Variants in ULK4 observed in about 807,000 individuals in gnomAD.
The protein encoded by ULK4 is inactive serine/threonine-protein kinase ULK4.
A neutral mutation model predicts 160.6 loss-of-function variants in ULK4; 133 were observed. That is an observed-to-expected ratio of 0.83 (90% CI 0.72 to 0.96). ULK4 has a LOEUF of 0.96. ULK4 is among the 40% of genes least tolerant of loss of function. The pLI is 0.00. For missense variants in ULK4, 1,580 were observed against 1,499.5 expected (o/e 1.05, Z -0.89); for synonymous variants, 534 against 539.8 (o/e 0.99, Z 0.15).
intron 2 of ULK4, among the ~76,000 whole-genome samples, chr3:41,940,281 C>A (rs1463963236): frequency 2.0e-5 from 3 of 152,054 alleles, no homozygotes; most frequent in African/African-American, 4.8e-5. Flanking sequence ...TTATATGAAC[C>A]CCTAATTTTA....
rs561495326 is a variant in ULK4 at position 41,743,513 on chromosome 3, AAAG to A, written c.2321+10845_2321+10847del. ...ATAATAGAAGGTTAAGAATATAAAAAAAGAAGAACATCAGAATGAGTAAGTTAG... is the reference window on the plus strand; with the variant it reads ...ATAATAGAAGGTTAAGAATATAAAAAAAGAACATCAGAATGAGTAAGTTAG... On this transcript the variant is annotated intron_variant, in intron 22 of 36. Transcript: ENST00000301831. Among the ~76,000 whole-genome samples, 340 of 151,964 alleles carry A rather than the reference AAAG, an allele frequency of 2.2e-3. 13 individuals are homozygous for A. Among genetic ancestry groups the A allele is most frequent in the African/African-American group, 7.9e-3 (324 of 41,212 alleles).
intron 32 of ULK4, among the ~76,000 whole-genome samples, chr3:41,528,484 A>G (rs2086193267): frequency 1.3e-5 from 2 of 152,186 alleles, no homozygotes; most frequent in Admixed American, 1.3e-4. Context: ...CAAAAGCCTC[A>G]AAAAATTTAT....
chr3:41,953,147 T>A (rs1233256429), intron 2 of ULK4, among the ~76,000 whole-genome samples: 1 of 151,890 alleles, frequency 6.6e-6, no homozygotes, highest in Non-Finnish European at 1.5e-5. Context: ...AATATGAATG[T>A]ACTTATTATC....
intron 19 of ULK4, among the ~76,000 whole-genome samples, chr3:41,813,174 T>C (rs1190300226): frequency 1.3e-5 from 2 of 152,018 alleles, no homozygotes. Context: ...GGGAGGAGCA[T>C]CAGAAAAAAC....
At chr3:41,428,809 A>G (rs1403074068) in intron 34 of ULK4, among the ~76,000 whole-genome samples, 1 of 151,062 alleles carries the variant, frequency 6.6e-6, no homozygotes, top group African/African-American at 2.4e-5. Context: ...ATGCAAAACG[A>G]TACAAAACCT....
At position 41,916,017 on chromosome 3, in the gene ULK4, T is replaced by A. The variant is rs903249769; in HGVS notation, c.763A>T (p.Asn255Tyr). Reference protein sequence around the residue: ...SRPKASSDFINLLDGLLQRDP... With the variant: ...SRPKASSDFIYLLDGLLQRDP... ...CTTTGAAGTAACCCATCAAGCAAAT[T>A]AATAAAATCTGAAGAAGCTTTAGGA... Residue 255 changes from asparagine (N) to tyrosine (Y), a missense_variant, in exon 8 of 37, where the codon AAT becomes TAT. Asn to Tyr is a moderately radical substitution (Grantham distance 143, BLOSUM62 -2). Transcript: ENST00000301831. 1 of 1,589,210 alleles carries A rather than the reference T, an allele frequency of 6.3e-7. No homozygotes were observed.
intron 17 of ULK4, among the ~76,000 whole-genome samples, chr3:41,840,823 G>A (rs1255468123): frequency 1.3e-5 from 2 of 152,058 alleles, no homozygotes; most frequent in Non-Finnish European, 2.9e-5. Flanking sequence ...GAGCGTCTCT[G>A]CCTAGCCACC....
intron 30 of ULK4, among the ~76,000 whole-genome samples, chr3:41,624,140 G>A (rs2033380446): frequency 6.6e-6 from 1 of 152,166 alleles, no homozygotes; most frequent in Non-Finnish European, 1.5e-5. Context: ...ATCATGCCTA[G>A]GTAGGACAGG....
intron 35 of ULK4, among the ~76,000 whole-genome samples, chr3:41,360,181 A>G (rs1318292278): frequency 6.6e-6 from 1 of 152,208 alleles, no homozygotes; most frequent in Admixed American, 6.5e-5. Context: ...AACATCACTG[A>G]TCATTAGAGA....
chr3:41,463,378 C>CT lies in ULK4; in HGVS notation c.3227-126dup, dbSNP rs546808960. ...CCCTAAGCAATACTTAAACTATACT[C>CT]TTATCAGATTCACTGAGGAAAGTTG... is the stretch of plus-strand genomic sequence containing the variant. On this transcript the variant is annotated intron_variant, in intron 32 of 36. Transcript: ENST00000301831. The CT allele has an allele frequency of 3.4e-4, 285 of 846,276 alleles. 3 individuals are homozygous for CT. The South Asian group carries it at 6.5e-3, about 19-fold the overall frequency. 52.4% of individuals were successfully genotyped at this position (846,276 alleles called of 1,614,324 possible).
chr3:41,303,585 G>A (rs2079840679), intron 35 of ULK4, among the ~76,000 whole-genome samples: 1 of 152,210 alleles, frequency 6.6e-6, no homozygotes, highest in Non-Finnish European at 1.5e-5. Flanking sequence ...ACAAATGGAA[G>A]TGAGTTTCTG....
chr3:41,835,103 A>C (rs1178371959), intron 18 of ULK4, among the ~76,000 whole-genome samples: 1 of 152,096 alleles, frequency 6.6e-6, no homozygotes, highest in Non-Finnish European at 1.5e-5. Context: ...CCAGCTACCC[A>C]GGAGGCTGAG....
chr3:41,556,701 ATGGTC>A (rs1274017389), intron 32 of ULK4, among the ~76,000 whole-genome samples: 4 of 151,884 alleles, frequency 2.6e-5, no homozygotes, highest in Admixed American at 6.6e-5. Context: ...GTTAGCCAGG[ATGGTC>A]TCCATCTGCT....
At chr3:41,918,590 TA>T in intron 6 of ULK4, 50 bp from the exon 7 acceptor site, 1 of 624,038 alleles carries the variant, frequency 1.6e-6, no homozygotes, top group South Asian at 2.4e-5. Flanking sequence ...CTATCACCAA[TA>T]ATTCTTTTTT....
At chr3:41,902,763 CAG>C (rs1010326493) in intron 12 of ULK4, among the ~76,000 whole-genome samples, 18 of 152,048 alleles carry the variant, frequency 1.2e-4, no homozygotes, top group African/African-American at 4.3e-4. Flanking sequence ...GGCAAAAAGA[CAG>C]GGGCAAACTT....
intron 21 of ULK4, among the ~76,000 whole-genome samples, chr3:41,764,925 G>T (rs990709005): frequency 2.0e-5 from 3 of 152,204 alleles, no homozygotes; most frequent in Admixed American, 2.0e-4. Context: ...TGGAGAGGAT[G>T]TGGAGAAATA....
intron 19 of ULK4, among the ~76,000 whole-genome samples, chr3:41,810,939 GCAATAGTGTGCA>G (rs1297692298): frequency 6.6e-6 from 1 of 151,968 alleles, no homozygotes; most frequent in Non-Finnish European, 1.5e-5. Context: ...AGGCTGAAGG[GCAATAGTGTGCA>G]TAGCTCACTG....
At chr3:41,314,506 T>C (rs1330790457) in intron 35 of ULK4, among the ~76,000 whole-genome samples, 1 of 152,204 alleles carries the variant, frequency 6.6e-6, no homozygotes, top group African/African-American at 2.4e-5. Context: ...CTACTAAGTT[T>C]TAGCATGGTT....
chr3:41,618,993 A>C (rs531677876), intron 30 of ULK4, among the ~76,000 whole-genome samples: 1 of 152,290 alleles, frequency 6.6e-6, no homozygotes, highest in East Asian at 1.9e-4. Flanking sequence ...CTAGGATTTA[A>C]AATAGACTTT....
Sources: allele counts gnomAD v4.1 joint callset (sites outside exome capture counted in the v4.1 genomes callset), GRCh38; gene constraint gnomAD v4.1.1; transcripts MANE v1.5; gene names NCBI Gene and HGNC (gene_info 2026-07-23, HGNC 2026-07-21).